KIF7: variants seen among roughly 807,000 people sequenced by gnomAD.
KIF7 encodes the protein kinesin family member 7, also known as kinesin-like protein KIF7.
A neutral mutation model predicts 135.7 loss-of-function variants in KIF7; 104 were observed. The ratio of observed to expected loss-of-function variants is 0.77; its 90% CI spans 0.65 to 0.90. KIF7 has a LOEUF of 0.90. Among genes scored for constraint, KIF7 ranks in the 40% least tolerant of loss-of-function variants. KIF7 has a pLI of 0.00. For missense variants in KIF7, 2,005 were observed against 1,839.1 expected, an observed-to-expected ratio of 1.09 and a Z score of -1.65; for synonymous variants, 883 against 809.4, an observed-to-expected ratio of 1.09 and a Z score of -1.54.
At chr15:89,624,817 C>T (rs1963488208), downstream of KIF7, 3 of 1,614,056 alleles carry the variant, frequency 1.9e-6, no homozygotes, top group Admixed American at 3.3e-5. Flanking sequence ...TTCTCTGTCT[C>T]ACCCTGGGAT....
intron 6 of KIF7, 60 bp downstream of exon 6, chr15:89,647,536 C>G: frequency 6.9e-7 from 1 of 1,455,110 alleles, no homozygotes; most frequent in Non-Finnish European, 9.6e-7. Context: ...AAACTCAGCT[C>G]TGCCTTCCCT....
chr15:89,659,954 C>T (rs532481629), upstream of KIF7, among the ~76,000 whole-genome samples: 106 of 152,240 alleles, frequency 7.0e-4, 1 homozygote, highest in South Asian at 1.7e-3. Flanking sequence ...CCCAGCTGTT[C>T]GGGGGACCGA....
chr15:89,629,843 G>T, intron 16 of KIF7: 1 of 568,004 alleles, frequency 1.8e-6, no homozygotes, highest in Non-Finnish European at 3.1e-6. Flanking sequence ...GCGTCAAGTT[G>T]TGGGATTTCA....
Position 89,645,001 on chromosome 15 carries a change from C to G in KIF7, c.2191+12G>C. 1 of 1,607,312 alleles carries G rather than the reference C, an allele frequency of 6.2e-7. No individual in the cohort carries two copies. Among genetic ancestry groups the G allele is most frequent in the Non-Finnish European group, 8.5e-7 (1 of 1,179,960 alleles). ...CCTCGGGTGAGAGGCCCACCTGATGCCCACGCCTCACCTGTGCGGACCAGC... is the reference window on the plus strand; with the variant it reads ...CCTCGGGTGAGAGGCCCACCTGATGGCCACGCCTCACCTGTGCGGACCAGC... On this transcript the variant is annotated intron_variant, in intron 10 of 18. Transcript: ENST00000394412.
chr15:89,651,583 A>C (rs1964125001), intron 2 of KIF7, among the ~76,000 whole-genome samples: 1 of 152,250 alleles, frequency 6.6e-6, no homozygotes, highest in African/African-American at 2.4e-5. Context: ...AATGTATATA[A>C]TATAATCCCA....
At chr15:89,644,440 T>A (rs1376975553) in intron 10 of KIF7, among the ~76,000 whole-genome samples, 2 of 151,524 alleles carry the variant, frequency 1.3e-5, no homozygotes, top group Non-Finnish European at 2.9e-5. Context: ...TTGTGGACAC[T>A]GAGGCGGGTG....
At position 89,646,014 on chromosome 15, in the gene KIF7, C is replaced by T; in HGVS notation, c.1801G>A (p.Gly601Ser). Residue 601 changes from glycine to serine, a missense_variant, in exon 8 of 19, where the codon GGC (glycine) becomes AGC (serine). Transcript: ENST00000394412. ...SEQRGEQVTN[G>S]REAGAELLTE... The stretch of plus-strand genomic sequence containing the variant: ...AGCAACTCAGCTCCAGCCTCCCTGC[C>T]ATTTGTCACCTGCTAGGGGAGTGAG... The T allele has an allele frequency of 6.2e-7, 1 of 1,613,970 alleles. No individual in the cohort carries two copies.
At chr15:89,653,559 C>T (rs1356848247) in intron 1 of KIF7, among the ~76,000 whole-genome samples, 1 of 152,022 alleles carries the variant, frequency 6.6e-6, no homozygotes, top group African/African-American at 2.4e-5. Context: ...CTGTCCCCTC[C>T]CGCAGGGCAA....
At chr15:89,627,088 C>G, downstream of KIF7, 1 of 1,613,946 alleles carries the variant, frequency 6.2e-7, no homozygotes, top group South Asian at 1.1e-5. Context: ...GACTTATAGC[C>G]ACAAACATTA....
chr15:89,625,742 C>A (rs769022345), downstream of KIF7: 4 of 1,612,684 alleles, frequency 2.5e-6, no homozygotes, highest in Non-Finnish European at 1.7e-6. Context: ...AGTTGGAGTG[C>A]ATGGCAGCTA....
intron 1 of KIF7, among the ~76,000 whole-genome samples, chr15:89,654,784 C>A (rs1172303109): frequency 6.6e-6 from 1 of 152,248 alleles, no homozygotes; most frequent in Non-Finnish European, 1.5e-5. Context: ...CCACCGCCAG[C>A]CCGGCACTTC....
chr15:89,631,409 GCA>G lies in KIF7; in HGVS notation c.3111+84_3111+85del, dbSNP rs1210937131. ...CTGCCGACAGCAAGGCCCAGCACCC[GCA>G]GAGGGCTGGAGCAAGGGCTGAGGAG... is the stretch of plus-strand genomic sequence containing the variant. On this transcript the variant is annotated intron_variant, in intron 15 of 18. Coordinates refer to ENST00000394412, the MANE Select transcript of KIF7 (RefSeq NM_198525.3). 4 of 1,246,392 alleles carry G rather than the reference GCA, an allele frequency of 3.2e-6. No homozygotes were observed. The Admixed American group carries it at 8.6e-5, about 27-fold the overall frequency. The allele number at this position is 1,246,392 out of a possible 1,614,324, so 77.2% of individuals were successfully genotyped here.
chr15:89,629,739 C>G, intron 16 of KIF7, 166 bp from the exon 17 acceptor site: 1 of 812,478 alleles, frequency 1.2e-6, no homozygotes, highest in Non-Finnish European at 1.9e-6. Context: ...CAGCAGTGCT[C>G]TAGTTATCTT....
intron 3 of KIF7, 84 bp downstream of exon 3, chr15:89,649,657 C>A: frequency 7.0e-7 from 1 of 1,429,836 alleles, no homozygotes; most frequent in Admixed American, 2.2e-5. Context: ...AGTTGCCATT[C>A]CCAGACAGGT....
intron 11 of KIF7, among the ~76,000 whole-genome samples, chr15:89,640,616 G>A (rs146835050): frequency 3.9e-5 from 6 of 152,024 alleles, no homozygotes; most frequent in Non-Finnish European, 8.8e-5. Flanking sequence ...AAGGATGGGT[G>A]GGCATCTGCA....
chr15:89,643,074 C>G (rs547723919), intron 10 of KIF7, among the ~76,000 whole-genome samples: 1 of 105,580 alleles, frequency 9.5e-6, no homozygotes, highest in African/African-American at 3.2e-5. Context: ...AACAGACAAA[C>G]CCCAAACGTG....
chr15:89,644,945 G>C, intron 10 of KIF7, 68 bp downstream of exon 10: 3 of 1,587,128 alleles, frequency 1.9e-6, no homozygotes, highest in South Asian at 1.1e-5. Flanking sequence ...AATCCCTCTA[G>C]AACAGTGCAG....
intron 11 of KIF7, among the ~76,000 whole-genome samples, chr15:89,634,671 G>T (rs1312082253): frequency 3.3e-5 from 5 of 152,234 alleles, no homozygotes; most frequent in Non-Finnish European, 7.3e-5. Flanking sequence ...GGCTCAGAGG[G>T]TCCTACGCCC....
rs768843175 is a variant in KIF7 at position 89,629,447 on chromosome 15, TCTCCAGGCGCTGCCG to T, written c.3430_3444del (p.Arg1144_Glu1148del). On this transcript the variant is annotated inframe_deletion, in exon 17 of 19. Coordinates refer to ENST00000394412, the MANE Select transcript of KIF7 (RefSeq NM_198525.3). ...TGCTGCAGGGTCAGCTGGCGGTCCA[TCTCCAGGCGCTGCCG>T]CTCCAGGGCCACCTCCAGCCAGTAC... The T allele has an allele frequency of 2.5e-6, 4 of 1,609,316 alleles. No homozygotes were observed. The African/African-American group carries it at 5.3e-5, about 21-fold the overall frequency.
Sources: allele counts gnomAD v4.1 joint callset (sites outside exome capture counted in the v4.1 genomes callset), GRCh38; gene constraint gnomAD v4.1.1; transcripts MANE v1.5; gene names NCBI Gene and HGNC (gene_info 2026-07-23, HGNC 2026-07-21).